ZC3H12B: variants seen among roughly 807,000 people sequenced by gnomAD.
The protein encoded by ZC3H12B is probable ribonuclease ZC3H12B.
Under a neutral mutation model 43.9 loss-of-function variants are expected in ZC3H12B, and 7 were observed. The ratio of observed to expected loss-of-function variants is 0.16; its 90% confidence interval spans 0.09 to 0.30. The LOEUF (loss-of-function observed/expected upper bound fraction) is 0.30, where lower values mean the gene tolerates loss of function less well. Ranked by LOEUF, ZC3H12B falls within the 10% of genes least tolerant of loss-of-function variation. The pLI, the probability that ZC3H12B is intolerant of heterozygous loss-of-function variation, is 1.00. For synonymous variants in ZC3H12B, 222 were observed against 241.7 expected (o/e 0.92, Z 0.76); for missense variants, 475 against 670.2 (o/e 0.71, Z 3.22).
the ZC3H12B span, among the ~76,000 whole-genome samples, chrX:65,057,591 G>A: frequency 9.0e-6 from 1 of 110,984 alleles, no homozygotes; most frequent in African/African-American, 3.3e-5. Context: ...GAGTATCTTC[G>A]TGGCATTCTC....
chrX:65,230,982 T>C, the ZC3H12B span, among the ~76,000 whole-genome samples: 2 of 112,262 alleles, frequency 1.8e-5, no homozygotes, highest in East Asian at 5.6e-4. Context: ...TAACAATTTG[T>C]TAAAAGGTAA....
the ZC3H12B span, among the ~76,000 whole-genome samples, chrX:65,229,115 A>G: frequency 9.1e-6 from 1 of 110,087 alleles, no homozygotes; most frequent in Non-Finnish European, 1.9e-5. Context: ...GAGGCATCAC[A>G]CTACCTGACT....
At chrX:65,283,646 G>A in the ZC3H12B span, among the ~76,000 whole-genome samples, 2 of 111,963 alleles carry the variant, frequency 1.8e-5, no homozygotes, top group African/African-American at 3.2e-5. Context: ...CTGCCGGGAA[G>A]CCTTGGGACA....
chrX:65,199,541 A>T, the ZC3H12B span, among the ~76,000 whole-genome samples: 1 of 110,054 alleles, frequency 9.1e-6, no homozygotes, highest in Non-Finnish European at 1.9e-5. Context: ...AGATCATCCC[A>T]TCACCTAAGC....
intron 3 of ZC3H12B, among the ~76,000 whole-genome samples, chrX:65,480,907 G>GT (rs1311682977): frequency 9.1e-6 from 1 of 110,467 alleles, no homozygotes; most frequent in Non-Finnish European, 1.9e-5. Context: ...CATTGAAAAC[G>GT]TATCACATAC....
chrX:65,455,499 G>A (rs1411640975), intron 3 of ZC3H12B, among the ~76,000 whole-genome samples: 1 of 112,229 alleles, frequency 8.9e-6, no homozygotes, highest in East Asian at 2.8e-4. Context: ...ATCTATGTCT[G>A]ATTGGTGTAT....
chrX:65,054,380 T>G, the ZC3H12B span, among the ~76,000 whole-genome samples: 209 of 111,364 alleles, frequency 1.9e-3, 3 homozygotes, highest in East Asian at 6.2e-3. Context: ...TTTCCCCATT[T>G]CTTGTTTTTG....
Position 65,456,678 on chromosome X carries a change from G to A in ZC3H12B, n.408-31968G>A, listed in dbSNP as rs376133752. Among the ~76,000 whole-genome samples, 43 of 107,468 alleles carry A rather than the reference G, an allele frequency of 4.0e-4. 1 individual carries two copies. The East Asian group carries it at 7.5e-3, about 19-fold the overall frequency. The allele number at this position is 107,468 out of a possible 115,157, so 93.3% of individuals were successfully genotyped here. Reference sequence around the variant, plus strand: ...GGGCTGGTCTCCAGCTCCTAACCGCGAGTGATCAGCCAGCCTCGGCCTCCC... The same window carrying A: ...GGGCTGGTCTCCAGCTCCTAACCGCAAGTGATCAGCCAGCCTCGGCCTCCC... On this transcript the variant is annotated intron_variant and non_coding_transcript_variant, in intron 3 of 5. Transcript: ENST00000617377.
Position 65,418,872 on chromosome X carries a change from T to A in ZC3H12B, n.407+20168T>A, listed in dbSNP as rs1433042895. Among the ~76,000 whole-genome samples the A allele has an allele frequency of 2.7e-5, 3 of 111,736 alleles. No individual in the cohort carries two copies. In the Admixed American group the frequency reaches 2.8e-4, roughly 11 times the overall value. ...GGTATACTACTGAAAACCTGTACTG[T>A]TAATCTTTCTCCATCCTTCCCCAAA... On this transcript the variant is annotated intron_variant and non_coding_transcript_variant, in intron 3 of 5. Transcript: ENST00000617377.
chrX:65,362,369 C>T (rs1001827682), upstream of ZC3H12B, among the ~76,000 whole-genome samples: 9 of 111,407 alleles, frequency 8.1e-5, no homozygotes, highest in African/African-American at 2.6e-4. Context: ...GGCTTCTAAA[C>T]CTCTTAAAAT....
At chrX:65,081,746 A>G in the ZC3H12B span, among the ~76,000 whole-genome samples, 2 of 111,834 alleles carry the variant, frequency 1.8e-5, no homozygotes, top group East Asian at 2.8e-4. Flanking sequence ...ACCAACAAAA[A>G]TAATCAGACT....
At chrX:65,381,405 C>T (rs965072289) in intron 2 of ZC3H12B, among the ~76,000 whole-genome samples, 13 of 111,308 alleles carry the variant, frequency 1.2e-4, no homozygotes, top group East Asian at 8.4e-4. Context: ...TTGAAACCAA[C>T]GAGAACAAAG....
chrX:65,496,972 A>G (rs1452317116), intron 1 of ZC3H12B, among the ~76,000 whole-genome samples, 160 bp from the exon 7 acceptor site: 1 of 110,723 alleles, frequency 9.0e-6, no homozygotes, highest in Non-Finnish European at 1.9e-5. Flanking sequence ...AAAGAAAAAA[A>G]AGAAAAGAAA....
the ZC3H12B span, among the ~76,000 whole-genome samples, chrX:65,229,679 A>T: frequency 2.0e-5 from 2 of 98,892 alleles, no homozygotes; most frequent in Non-Finnish European, 4.1e-5. Flanking sequence ...AACTCAAAGA[A>T]ATTTACAAGA....
At chrX:65,424,369 T>A (rs896956349) in intron 3 of ZC3H12B, among the ~76,000 whole-genome samples, 2 of 112,043 alleles carry the variant, frequency 1.8e-5, no homozygotes, top group Non-Finnish European at 3.8e-5. Context: ...GATGTTAGAC[T>A]TTTGTGAGGT....
At chrX:65,404,246 G>T (rs1009479784) in intron 3 of ZC3H12B, among the ~76,000 whole-genome samples, 3 of 111,264 alleles carry the variant, frequency 2.7e-5, no homozygotes, top group African/African-American at 9.8e-5. Flanking sequence ...AATGGAAACA[G>T]AAAAACAAAA....
At chrX:65,200,900 G>A in the ZC3H12B span, among the ~76,000 whole-genome samples, 6 of 111,643 alleles carry the variant, frequency 5.4e-5, no homozygotes, top group Middle Eastern at 4.6e-3. Flanking sequence ...GGACTTGATC[G>A]TGGTGGCTAA....
chrX:65,369,015 T>A lies in ZC3H12B; in HGVS notation n.295+17T>A, dbSNP rs1042888067. On this transcript the variant is annotated intron_variant and non_coding_transcript_variant, in intron 2 of 5. Transcript: ENST00000617377. ...TGTTAAGAGGTGGGTACTTTAGTGG[T>A]TGTTGTTGTTGTTGTGTGTGTGTGT... 8.1e-5 allele frequency: 9 copies of A among 111,422 alleles called. No individual in the cohort carries two copies. Among genetic ancestry groups the A allele is most frequent in the Non-Finnish European group, 1.7e-4 (9 of 53,007 alleles). The allele number at this position is 111,422 out of a possible 1,213,427, so 9.2% of individuals were successfully genotyped here.
chrX:65,444,375 G>T (rs1046524042), intron 3 of ZC3H12B, among the ~76,000 whole-genome samples: 1 of 111,828 alleles, frequency 8.9e-6, no homozygotes, highest in Admixed American at 9.5e-5. Context: ...ATGGGGGCAG[G>T]TCTGTCCCAT....
Sources: gnomAD v4.1 joint callset for allele counts (sites outside exome capture counted in the v4.1 genomes callset) on GRCh38, gnomAD v4.1.1 for gene constraint, MANE v1.5 for transcripts, NCBI Gene and HGNC (gene_info 2026-07-23, HGNC 2026-07-21) for gene names.